The following RRN3 variants were observed in gnomAD, a reference collection of about 807,000 sequenced individuals.
RRN3 encodes RNA polymerase I-specific transcription initiation factor RRN3.
A neutral mutation model predicts 82.3 loss-of-function variants in RRN3; 38 were observed. That is an observed-to-expected ratio of 0.46 (90% CI 0.36 to 0.61). The LOEUF (loss-of-function observed/expected upper bound fraction) is 0.61. Ranked by LOEUF, RRN3 falls within the 20% of genes least tolerant of loss-of-function variation. RRN3 has a pLI of 0.00. For synonymous variants in RRN3, 284 were observed against 284.3 expected (o/e 1.00, Z 0.01); for missense variants, 726 against 793.1 (o/e 0.92, Z 1.02).
rs763154726 is a variant in RRN3, at chr16:15,094,256, T to C, written c.-23A>G. 10 of 1,544,032 alleles carry C rather than the reference T, an allele frequency of 6.5e-6. No homozygotes were observed. The highest frequency in any genetic ancestry group is 2.0e-4 in the Middle Eastern group (1 of 5,102). On this transcript the variant is annotated 5_prime_UTR_variant, in exon 1 of 18. Coordinates refer to ENST00000198767, the MANE Select transcript of RRN3 (RefSeq NM_018427.5). ...CATTGGGCCGAACTAACGCGACCGC[T>C]GCGCCTCAGGCCGGATGCCCAGCTC...
intron 7 of RRN3, among the ~76,000 whole-genome samples, chr16:15,084,432 C>T (rs1347901654): frequency 6.6e-6 from 1 of 151,810 alleles, no homozygotes; most frequent in Non-Finnish European, 1.5e-5. Flanking sequence ...GGGGGAGGAT[C>T]TGCATACAAA....
chr16:15,078,000 C>T lies in RRN3; in HGVS notation c.766-1350G>A, dbSNP rs116960893. Among the ~76,000 whole-genome samples the T allele has an allele frequency of 1.2e-3, 184 of 152,296 alleles. 1 individual carries two copies. The highest frequency in any genetic ancestry group is 2.2e-3 in the Non-Finnish European group (151 of 68,030). On this transcript the variant is annotated intron_variant, in intron 9 of 17. Coordinates refer to ENST00000198767, the MANE Select transcript of RRN3 (RefSeq NM_018427.5). Reference sequence around the variant, plus strand: ...AACTGAGCAGAAAAATGATGAACTGCCAGCCAAATGTGCATGATGCAATAT... The same window carrying T: ...AACTGAGCAGAAAAATGATGAACTGTCAGCCAAATGTGCATGATGCAATAT...
intron 3 of RRN3, among the ~76,000 whole-genome samples, 176 bp from the exon 4 acceptor site, chr16:15,086,630 A>C (rs1293454900): frequency 9.2e-5 from 14 of 152,240 alleles, no homozygotes. Context: ...AAATTACTTA[A>C]CTGTTTTAAG....
At chr16:15,071,994 G>A (rs539917436) in intron 12 of RRN3, among the ~76,000 whole-genome samples, 1 of 152,218 alleles carries the variant, frequency 6.6e-6, no homozygotes, top group South Asian at 2.1e-4. Flanking sequence ...ACTCAACCAC[G>A]AACAGAAATA....
intron 3 of RRN3, among the ~76,000 whole-genome samples, chr16:15,087,692 T>A (rs2045962656): frequency 6.6e-6 from 1 of 152,166 alleles, no homozygotes; most frequent in East Asian, 1.9e-4. Flanking sequence ...TAACGGTAGC[T>A]CACTAAGGCC....
chr16:15,080,186 T>C (rs2045640433), intron 8 of RRN3, 90 bp from the exon 9 acceptor site: 8 of 1,452,594 alleles, frequency 5.5e-6, no homozygotes, highest in Non-Finnish European at 7.2e-6. Flanking sequence ...TGACCTTTAG[T>C]TTCAAATATT....
At chr16:15,093,622 A>T (rs1035508165) in intron 1 of RRN3, among the ~76,000 whole-genome samples, 2 of 152,206 alleles carry the variant, frequency 1.3e-5, no homozygotes, top group Non-Finnish European at 2.9e-5. Flanking sequence ...GTAGTAAATT[A>T]ATGAAAAAAC....
At chr16:15,094,005 C>T (rs1030725183) in intron 1 of RRN3, 140 bp downstream of exon 1, 7 of 739,468 alleles carry the variant, frequency 9.5e-6, no homozygotes, top group African/African-American at 7.1e-5. Flanking sequence ...GAGCTCATTT[C>T]TGTGAACGTG....
intron 10 of RRN3, among the ~76,000 whole-genome samples, chr16:15,075,899 T>C (rs988696253): frequency 1.6e-4 from 24 of 152,108 alleles, no homozygotes; most frequent in Middle Eastern, 3.2e-3. Flanking sequence ...AGAGCTGCCC[T>C]GAGCAGAAAG....
intron 9 of RRN3, among the ~76,000 whole-genome samples, chr16:15,078,450 C>T (rs1567207084): frequency 6.6e-6 from 1 of 152,070 alleles, no homozygotes. Flanking sequence ...TCCCGAAATG[C>T]AGTTTCTGCG....
intron 9 of RRN3, among the ~76,000 whole-genome samples, chr16:15,079,050 T>A (rs1476187089): frequency 2.0e-5 from 3 of 152,100 alleles, no homozygotes; most frequent in Non-Finnish European, 4.4e-5. Flanking sequence ...GACCTCGTGA[T>A]CCGCCCGCCT....
chr16:15,073,999 T>G (rs1367091848), intron 11 of RRN3, among the ~76,000 whole-genome samples: 1 of 152,062 alleles, frequency 6.6e-6, no homozygotes, highest in Non-Finnish European at 1.5e-5. Flanking sequence ...ACACCCAAAT[T>G]CACTAAAAAA....
chr16:15,073,120 T>C lies in RRN3; in HGVS notation c.998-40A>G, dbSNP rs2045306171. The C allele has an allele frequency of 3.8e-6, 6 of 1,595,804 alleles. No individual in the cohort carries two copies. In the Admixed American group the frequency reaches 7.3e-5, roughly 20 times the overall value. ...TGGCATCTCAGTTTTTATAAAGACATATTTTCAAGTTTCATCTGCCATATT... is the reference window on the plus strand; with the variant it reads ...TGGCATCTCAGTTTTTATAAAGACACATTTTCAAGTTTCATCTGCCATATT... On this transcript the variant is annotated intron_variant, in intron 11 of 17. Coordinates refer to ENST00000198767, the MANE Select transcript of RRN3 (RefSeq NM_018427.5).
intron 8 of RRN3, 63 bp downstream of exon 8, chr16:15,083,450 T>A: frequency 6.3e-7 from 1 of 1,598,806 alleles, no homozygotes; most frequent in Non-Finnish European, 8.5e-7. Flanking sequence ...AGACCTAATA[T>A]CATCTAAAAT....
chr16:15,068,313 T>A lies in RRN3; in HGVS notation c.1445-36A>T, dbSNP rs1567191638. 1.9e-6 allele frequency: 3 copies of A among 1,555,964 alleles called. No homozygotes were observed. In the East Asian group the frequency reaches 6.8e-5, roughly 35 times the overall value. ...AAAAAAAAAAAGATTTTTTTAAAGG[T>A]ACAAATAAGTGAAAAGTGTAAGATA... On this transcript the variant is annotated intron_variant, in intron 14 of 17. Coordinates refer to ENST00000198767, the MANE Select transcript of RRN3 (RefSeq NM_018427.5).
rs372679582 is a variant in RRN3, at chr16:15,061,264, G to A, written c.*480C>T. The A allele has an allele frequency of 1.7e-3, 263 of 153,600 alleles. 3 individuals carry two copies. The South Asian group carries it at 0.034, about 20-fold the overall frequency. The allele number at this position is 153,600 out of a possible 1,614,324, so 9.5% of individuals were successfully genotyped here. On this transcript the variant is annotated 3_prime_UTR_variant, in exon 18 of 18. Coordinates refer to ENST00000198767, the MANE Select transcript of RRN3 (RefSeq NM_018427.5). ...ACCAATACAGCAGAAGGTGAACAAT[G>A]TAGCCAAAATAAACACTTTCTAGTT...
chr16:15,094,048 G>A (rs1261308052), intron 1 of RRN3, 97 bp downstream of exon 1: 23 of 1,096,584 alleles, frequency 2.1e-5, no homozygotes, highest in Non-Finnish European at 3.0e-5. Context: ...CCTATCACAC[G>A]CCATGAGCTT....
rs2044720765 is a variant in RRN3 at position 15,061,756 on chromosome 16, G to A, written c.1944C>T (p.Pro648=). 6.2e-7 allele frequency: 1 copy of A among 1,612,786 alleles called. No individual in the cohort carries two copies. ...VGSPPVLYMQ[P]SPL The stretch of plus-strand genomic sequence containing the variant: ...CAAATTTCTGCCGTCAGAGGGGACT[G>A]GGTTGCATGTACAACACGGGTGGGG... The change falls in exon 18 of 18, where the codon CCC becomes CCT. Residue 648 remains proline (P), a synonymous_variant. Coordinates refer to ENST00000198767, the MANE Select transcript of RRN3 (RefSeq NM_018427.5).
intron 9 of RRN3, among the ~76,000 whole-genome samples, chr16:15,079,398 C>T (rs1296960589): frequency 4.6e-5 from 7 of 152,162 alleles, no homozygotes; most frequent in Non-Finnish European, 7.3e-5. Context: ...CCTTCCTGAC[C>T]CCACTGTGAT....
Sources: gnomAD v4.1 joint callset for allele counts (sites outside exome capture counted in the v4.1 genomes callset) on GRCh38, gnomAD v4.1.1 for gene constraint, MANE v1.5 for transcripts, NCBI Gene and HGNC (gene_info 2026-07-23, HGNC 2026-07-21) for gene names.